The following ANXA4 variants were observed in gnomAD, a reference collection of about 807,000 sequenced individuals.
The protein encoded by ANXA4 is 35-beta calcimedin.
A neutral mutation model predicts 49.8 loss-of-function variants in ANXA4; 39 were observed. The observed-to-expected ratio is 0.78, with a 90% CI of 0.61 to 1.02. ANXA4 has a LOEUF of 1.02. Among genes scored for constraint, ANXA4 ranks in the 50% least tolerant of loss-of-function variants. The pLI, the probability that ANXA4 is intolerant of heterozygous loss-of-function variation, is 0.00. For synonymous variants in ANXA4, 134 were observed against 152.5 expected, an observed-to-expected ratio of 0.88 and a Z score of 0.89; for missense variants, 360 against 410.1, an observed-to-expected ratio of 0.88 and a Z score of 1.05.
chr2:69,755,605 T>C (rs2105506384), intron 1 of ANXA4, among the ~76,000 whole-genome samples: 1 of 152,316 alleles, frequency 6.6e-6, no homozygotes, highest in South Asian at 2.1e-4. Flanking sequence ...GGTGAGACCC[T>C]ACCTCAAAAA....
At chr2:69,660,434 GA>G (rs1450080424) in intron 2 of ANXA4, among the ~76,000 whole-genome samples, 4 of 151,798 alleles carry the variant, frequency 2.6e-5, no homozygotes, top group African/African-American at 9.7e-5. Flanking sequence ...TAAAACACAA[GA>G]AAAAAATCAC....
At chr2:69,781,620 A>G in intron 2 of ANXA4, 46 bp downstream of exon 2, 1 of 1,611,920 alleles carries the variant, frequency 6.2e-7, no homozygotes, top group Non-Finnish European at 8.5e-7. Flanking sequence ...AGCTGCCAAC[A>G]GGTACAGAAT....
intron 2 of ANXA4, among the ~76,000 whole-genome samples, chr2:69,700,695 G>T (rs1439409359): frequency 6.6e-6 from 1 of 152,150 alleles, no homozygotes; most frequent in African/African-American, 2.4e-5. Flanking sequence ...GGAGTAGCGT[G>T]CTATATGGTA....
chr2:69,692,073 C>G (rs752615873), intron 2 of ANXA4, among the ~76,000 whole-genome samples: 8 of 152,112 alleles, frequency 5.3e-5, no homozygotes, highest in Non-Finnish European at 1.0e-4. Context: ...TTTGTAGAGA[C>G]AGGGTTTCAC....
intron 1 of ANXA4, among the ~76,000 whole-genome samples, chr2:69,751,349 T>C (rs1670833564): frequency 6.6e-6 from 1 of 151,618 alleles, no homozygotes; most frequent in Non-Finnish European, 1.5e-5. Flanking sequence ...CTACCAAAGA[T>C]ATAAAACAAT....
chr2:69,805,311 TAAAG>T (rs905738072), intron 4 of ANXA4, among the ~76,000 whole-genome samples: 7 of 151,906 alleles, frequency 4.6e-5, no homozygotes, highest in African/African-American at 1.5e-4. Context: ...GGTGACTAGT[TAAAG>T]AAATTAGGCT....
chr2:69,685,313 C>A (rs756203558), intron 2 of ANXA4, among the ~76,000 whole-genome samples: 48 of 152,084 alleles, frequency 3.2e-4, no homozygotes, highest in Non-Finnish European at 5.9e-4. Context: ...AATGCCCATA[C>A]ATATAGAATA....
chr2:69,656,113 G>T (rs1334891652), intron 2 of ANXA4, among the ~76,000 whole-genome samples: 2 of 150,868 alleles, frequency 1.3e-5, no homozygotes, highest in Non-Finnish European at 2.9e-5. Context: ...ACCATGGCAT[G>T]TGTATACCTA....
At chr2:69,661,648 G>T (rs117855272) in intron 2 of ANXA4, among the ~76,000 whole-genome samples, 24 of 152,206 alleles carry the variant, frequency 1.6e-4, no homozygotes, top group African/African-American at 4.6e-4. Flanking sequence ...GAAAGCACGT[G>T]GACAGGTGAT....
chr2:69,698,181 GTCTC>G (rs767377885), intron 2 of ANXA4, among the ~76,000 whole-genome samples: 1 of 152,168 alleles, frequency 6.6e-6, no homozygotes, highest in Non-Finnish European at 1.5e-5. Context: ...GCTCTTCTGA[GTCTC>G]TCTCATACGA....
At chr2:69,680,435 A>C (rs919715041) in intron 2 of ANXA4, among the ~76,000 whole-genome samples, 1 of 152,192 alleles carries the variant, frequency 6.6e-6, no homozygotes, top group African/African-American at 2.4e-5. Context: ...ATATAAGATC[A>C]TGTCATCTGC....
At chr2:69,706,513 G>A in intron 2 of ANXA4, among the ~76,000 whole-genome samples, 1 of 151,626 alleles carries the variant, frequency 6.6e-6, no homozygotes. Flanking sequence ...GTTTGGCCAG[G>A]CTGGTCTCGA....
At chr2:69,678,857 G>T (rs1559072132) in intron 2 of ANXA4, among the ~76,000 whole-genome samples, 1 of 152,066 alleles carries the variant, frequency 6.6e-6, no homozygotes, top group Non-Finnish European at 1.5e-5. Flanking sequence ...TGAAAAAGTT[G>T]TCTGTTGTTT....
intron 2 of ANXA4, among the ~76,000 whole-genome samples, chr2:69,691,296 G>A (rs1014045827): frequency 3.3e-5 from 5 of 151,742 alleles, no homozygotes; most frequent in African/African-American, 4.8e-5. Flanking sequence ...GCTAATTTTT[G>A]TATTTTTAGT....
intron 2 of ANXA4, among the ~76,000 whole-genome samples, chr2:69,689,915 A>G (rs1677904825): frequency 6.6e-6 from 1 of 152,110 alleles, no homozygotes. Context: ...GTTTTATGGC[A>G]TATTCTCTCA....
intron 3 of ANXA4, among the ~76,000 whole-genome samples, chr2:69,788,884 AAAG>A (rs1297179113): frequency 4.7e-5 from 7 of 148,688 alleles, no homozygotes; most frequent in African/African-American, 1.5e-4. Context: ...AGAAGGAAGG[AAAG>A]AAGGAGGAGA....
intron 1 of ANXA4, among the ~76,000 whole-genome samples, chr2:69,759,374 T>C (rs527428396): frequency 1.0e-3 from 152 of 152,326 alleles, no homozygotes; most frequent in Admixed American, 2.3e-3. Flanking sequence ...TAAGTTTACA[T>C]TACTTTAAAA....
intron 3 of ANXA4, among the ~76,000 whole-genome samples, chr2:69,722,671 T>A (rs1158160457): frequency 6.6e-6 from 1 of 151,730 alleles, no homozygotes. Flanking sequence ...TTGGGGGTGA[T>A]GAAAAGTTTT....
At chr2:69,771,108 A>AG (rs1559169986) in intron 1 of ANXA4, among the ~76,000 whole-genome samples, 1 of 136,734 alleles carries the variant, frequency 7.3e-6, no homozygotes, top group African/African-American at 2.7e-5. Context: ...AAAAAAAAAA[A>AG]GAAAAAAAAA....
Sources: allele counts gnomAD v4.1 joint callset (sites outside exome capture counted in the v4.1 genomes callset), GRCh38; gene constraint gnomAD v4.1.1; transcripts MANE v1.5; gene names NCBI Gene and HGNC (gene_info 2026-07-23, HGNC 2026-07-21).